The following RPS6KC1 variants were observed in gnomAD, a reference collection of about 807,000 sequenced individuals.
RPS6KC1 encodes ribosomal protein S6 kinase C1, also known as inactive ribosomal protein S6 kinase delta-1.
A neutral mutation model predicts 103.8 loss-of-function variants in RPS6KC1; 54 were observed. The ratio of observed to expected loss-of-function variants is 0.52; its 90% CI spans 0.42 to 0.65. The LOEUF (loss-of-function observed/expected upper bound fraction) is 0.65, where lower values mean the gene tolerates loss of function less well. RPS6KC1 is among the 30% of genes least tolerant of loss of function. The pLI is 0.00. For synonymous variants in RPS6KC1, 439 were observed against 438.7 expected (o/e 1.00, Z -0.01); for missense variants, 1,151 against 1,253.8 (o/e 0.92, Z 1.24).
At chr1:213,079,580 G>C (rs2079665641) in intron 3 of RPS6KC1, among the ~76,000 whole-genome samples, 1 of 151,844 alleles carries the variant, frequency 6.6e-6, no homozygotes, top group Admixed American at 6.6e-5. Flanking sequence ...ACCATGCCTG[G>C]CTAATTTTTC....
intron 5 of RPS6KC1, among the ~76,000 whole-genome samples, chr1:213,127,925 C>G (rs1008482707): frequency 3.9e-5 from 6 of 152,082 alleles, no homozygotes; most frequent in Non-Finnish European, 8.8e-5. Context: ...ATAAAAGATC[C>G]ATTCAGTGTG....
the RPS6KC1 span, among the ~76,000 whole-genome samples, chr1:213,288,403 CA>C: frequency 6.6e-6 from 1 of 152,202 alleles, no homozygotes; most frequent in African/African-American, 2.4e-5. Context: ...ATAGACTAGA[CA>C]AAAGGATGAA....
At chr1:213,756,329 A>G in the RPS6KC1 span, among the ~76,000 whole-genome samples, 1 of 152,202 alleles carries the variant, frequency 6.6e-6, no homozygotes, top group Non-Finnish European at 1.5e-5. Flanking sequence ...GAAAAGCCTT[A>G]GTGTCTTAAC....
At chr1:213,222,240 G>C (rs1407948570) in intron 8 of RPS6KC1, among the ~76,000 whole-genome samples, 2 of 152,102 alleles carry the variant, frequency 1.3e-5, no homozygotes, top group Non-Finnish European at 2.9e-5. Flanking sequence ...ACATTGGTAA[G>C]GCTCCAAAGG....
chr1:213,364,595 G>C, the RPS6KC1 span, among the ~76,000 whole-genome samples: 12 of 152,122 alleles, frequency 7.9e-5, no homozygotes, highest in African/African-American at 2.9e-4. Flanking sequence ...CCACAGATCT[G>C]GTCAAAGAGA....
chr1:213,142,204 T>C (rs899894580), intron 6 of RPS6KC1, among the ~76,000 whole-genome samples: 1 of 152,148 alleles, frequency 6.6e-6, no homozygotes, highest in African/African-American at 2.4e-5. Flanking sequence ...CCCTGCTCTT[T>C]TTTGTTTTCC....
the RPS6KC1 span, among the ~76,000 whole-genome samples, chr1:213,604,728 C>G: frequency 2.0e-5 from 3 of 152,338 alleles, no homozygotes; most frequent in African/African-American, 7.2e-5. Context: ...ATCTGCCTGG[C>G]TCCATTCCTG....
At chr1:213,078,231 CTTTT>C (rs11416944) in intron 3 of RPS6KC1, among the ~76,000 whole-genome samples, 12 of 128,342 alleles carry the variant, frequency 9.4e-5, no homozygotes, top group Middle Eastern at 4.4e-3. Context: ...CCTTAGTATT[CTTTT>C]TTTTTTTTTT....
chr1:213,673,094 C>T, the RPS6KC1 span, among the ~76,000 whole-genome samples: 3 of 152,162 alleles, frequency 2.0e-5, no homozygotes, highest in Non-Finnish European at 2.9e-5. Context: ...CTACTAAGAC[C>T]GAAGTTTCCA....
intron 8 of RPS6KC1, among the ~76,000 whole-genome samples, chr1:213,196,205 T>C (rs773024594): frequency 2.0e-5 from 3 of 150,100 alleles, no homozygotes; most frequent in Non-Finnish European, 2.9e-5. Context: ...TGCATTGTGG[T>C]TTTCATTTGC....
the RPS6KC1 span, among the ~76,000 whole-genome samples, chr1:213,732,992 T>A: frequency 1.6e-4 from 24 of 152,318 alleles, no homozygotes; most frequent in African/African-American, 5.8e-4. Flanking sequence ...TTTTACAGGC[T>A]AAATAGTATT....
chr1:213,557,368 G>C, the RPS6KC1 span, among the ~76,000 whole-genome samples: 121 of 152,288 alleles, frequency 7.9e-4, no homozygotes, highest in African/African-American at 2.8e-3. Context: ...TGGCTACAGG[G>C]CAGCTGTTTG....
the RPS6KC1 span, among the ~76,000 whole-genome samples, chr1:213,730,950 A>G: frequency 1.3e-5 from 2 of 152,196 alleles, no homozygotes; most frequent in African/African-American, 2.4e-5. Context: ...ATTTTTGTAT[A>G]TGGTATAATG....
chr1:213,801,714 A>G, the RPS6KC1 span, among the ~76,000 whole-genome samples: 2 of 152,188 alleles, frequency 1.3e-5, no homozygotes, highest in Non-Finnish European at 2.9e-5. Flanking sequence ...GCTTGCTTCC[A>G]TGTTCCCTTC....
At chr1:213,835,310 C>T in the RPS6KC1 span, among the ~76,000 whole-genome samples, 2 of 152,298 alleles carry the variant, frequency 1.3e-5, no homozygotes, top group South Asian at 4.2e-4. Flanking sequence ...GGAACCTGAT[C>T]ACAGGGAGCT....
chr1:213,068,893 G>A (rs1381573294), intron 1 of RPS6KC1, among the ~76,000 whole-genome samples: 4 of 149,634 alleles, frequency 2.7e-5, no homozygotes, highest in African/African-American at 5.0e-5. Context: ...GTGTGTGTGT[G>A]TGTGTGTGTG....
chr1:213,058,565 T>G (rs1411140645), intron 1 of RPS6KC1, among the ~76,000 whole-genome samples: 3 of 152,146 alleles, frequency 2.0e-5, no homozygotes, highest in African/African-American at 7.2e-5. Flanking sequence ...TGAATTGCCT[T>G]TATTCCTTTG....
chr1:213,176,648 C>A, intron 8 of RPS6KC1, 156 bp downstream of exon 8: 1 of 472,926 alleles, frequency 2.1e-6, no homozygotes, highest in Non-Finnish European at 3.8e-6. Context: ...AGAGAAAAAG[C>A]TTTTATCTGA....
At chr1:213,242,457 G>A in intron 11 of RPS6KC1, 112 bp from the exon 12 acceptor site, 1 of 1,095,770 alleles carries the variant, frequency 9.1e-7, no homozygotes, top group Non-Finnish European at 1.4e-6. Flanking sequence ...ACTTAATGAT[G>A]CCATTATTCT....
Sources: gnomAD v4.1 joint callset for allele counts (sites outside exome capture counted in the v4.1 genomes callset) on GRCh38, gnomAD v4.1.1 for gene constraint, MANE v1.5 for transcripts, NCBI Gene and HGNC (gene_info 2026-07-23, HGNC 2026-07-21) for gene names.